The following TBXT variants were observed in gnomAD, a reference collection of about 807,000 sequenced individuals.
TBXT encodes the protein T-box transcription factor T.
A neutral mutation model predicts 41.1 loss-of-function variants in TBXT; 19 were observed. The observed-to-expected ratio is 0.46, with a 90% CI of 0.32 to 0.68. TBXT has a LOEUF of 0.68. Among genes scored for constraint, TBXT ranks in the 30% least tolerant of loss-of-function variants. The pLI is 0.03. For synonymous variants in TBXT, 213 were observed against 238.9 expected (o/e 0.89, Z 1.00); for missense variants, 536 against 582.0 (o/e 0.92, Z 0.81).
At chr6:166,164,036 G>A (rs1779037138) in intron 5 of TBXT, among the ~76,000 whole-genome samples, 1 of 152,182 alleles carries the variant, frequency 6.6e-6, no homozygotes. Flanking sequence ...GGGTGGAGAG[G>A]ACGGACCAGG....
rs1287254006 is a variant in TBXT at position 166,160,836 on chromosome 6, C to A, written c.1037+1G>T. The A allele has an allele frequency of 6.2e-7, 1 of 1,613,988 alleles. No homozygotes were observed. Among genetic ancestry groups the A allele is most frequent in the African/African-American group, 1.3e-5 (1 of 74,924 alleles). ...TGCACCAGGTCCTGGACATACATTA[C>A]CTGGAGCTGGTAGGTGGGCTGGCAT... On this transcript the variant is annotated splice_donor_variant, in intron 7 of 7. Coordinates refer to ENST00000366876, the MANE Select transcript of TBXT (RefSeq NM_001366285.2). LOFTEE classifies it high-confidence loss of function.
intron 5 of TBXT, among the ~76,000 whole-genome samples, chr6:166,163,836 T>C (rs1366430217): frequency 6.6e-6 from 1 of 152,238 alleles, no homozygotes; most frequent in Non-Finnish European, 1.5e-5. Flanking sequence ...CAGCCGGCCC[T>C]GGCCAGAGCA....
intron 6 of TBXT, among the ~76,000 whole-genome samples, chr6:166,161,840 G>C (rs969678797): frequency 6.6e-6 from 1 of 152,218 alleles, no homozygotes; most frequent in African/African-American, 2.4e-5. Flanking sequence ...GGAGAATGGC[G>C]TGAACCCGAG....
intron 7 of TBXT, 50 bp from the exon 8 acceptor site, chr6:166,158,638 C>T: frequency 2.1e-6 from 3 of 1,448,536 alleles, no homozygotes; most frequent in Non-Finnish European, 2.7e-6. Flanking sequence ...GGCTGCAGGC[C>T]AGCTAAGGAT....
intron 7 of TBXT, among the ~76,000 whole-genome samples, chr6:166,158,970 C>A (rs1778872999): frequency 6.6e-6 from 1 of 152,192 alleles, no homozygotes; most frequent in Non-Finnish European, 1.5e-5. Context: ...GTCAGGAGTT[C>A]AAGGCCAGCC....
Position 166,166,815 on chromosome 6 carries a change from T to A in TBXT, c.248A>T (p.Asp83Val). The change falls in exon 2 of 8, where the codon GAC becomes GTC. Residue 83 changes from aspartate (D) to valine (V), a missense_variant. Asp to Val is a radical substitution (Grantham distance 152). Transcript: ENST00000366876. ...PVLKVNVSGLDPNAMYSFLLD... is the reference protein window; with the variant it reads ...PVLKVNVSGLVPNAMYSFLLD... Reference sequence around the variant, plus strand: ...CAGGAAGGAGTACATGGCGTTGGGGTCCAGGCCAGACACGTTCACCTTCAG... The same window carrying A: ...CAGGAAGGAGTACATGGCGTTGGGGACCAGGCCAGACACGTTCACCTTCAG... 3 of 1,613,720 alleles carry A rather than the reference T, an allele frequency of 1.9e-6. No homozygotes were observed. The highest frequency in any genetic ancestry group is 2.5e-6 in the Non-Finnish European group (3 of 1,180,026).
chr6:166,161,087 AT>A (rs1207604894), intron 6 of TBXT, 121 bp from the exon 7 acceptor site: 7 of 1,311,688 alleles, frequency 5.3e-6, no homozygotes, highest in Middle Eastern at 4.1e-4. Context: ...TACATGGGAT[AT>A]TAACTGTAGA....
chr6:166,167,304 G>T, intron 1 of TBXT, 82 bp downstream of exon 1: 1 of 1,523,118 alleles, frequency 6.6e-7, no homozygotes, highest in South Asian at 1.1e-5. Context: ...AAAAGGGTTC[G>T]ACCTCCGGGA....
chr6:166,164,990 T>G, intron 3 of TBXT, 129 bp from the exon 4 acceptor site: 1 of 778,764 alleles, frequency 1.3e-6, no homozygotes, highest in South Asian at 1.7e-5. Flanking sequence ...TCTTTCCACA[T>G]ACAGTTTTCT....
intron 2 of TBXT, among the ~76,000 whole-genome samples, chr6:166,166,380 G>A (rs1442411857): frequency 6.6e-6 from 1 of 152,204 alleles, no homozygotes; most frequent in Non-Finnish European, 1.5e-5. Context: ...TCCTTCAAAG[G>A]GGAGTGCTCC....
In TBXT at chr6:166,158,199, G is replaced by T; in HGVS notation, c.*116C>A. 1.3e-6 allele frequency: 2 copies of T among 1,514,244 alleles called. No individual in the cohort carries two copies. Among genetic ancestry groups the T allele is most frequent in the Non-Finnish European group, 1.8e-6 (2 of 1,093,972 alleles). The allele number at this position is 1,514,244 out of a possible 1,614,324, so 93.8% of individuals were successfully genotyped here. A position where few individuals can be genotyped will look rare whatever the true frequency, so the allele number is the denominator to read the frequency against. On this transcript the variant is annotated 3_prime_UTR_variant, in exon 8 of 8. Transcript: ENST00000366876. ...CTGCTTTGAAAAGGAAGTTACTGAG[G>T]CTGCATTTCCTTCTTAACCTGAGAC...
intron 6 of TBXT, 142 bp from the exon 7 acceptor site, chr6:166,161,108 A>G: frequency 2.6e-6 from 3 of 1,145,464 alleles, no homozygotes; most frequent in Admixed American, 2.0e-5. Flanking sequence ...AAAACAATCC[A>G]TTAGTCTATT....
chr6:166,160,740 G>A, intron 7 of TBXT, 97 bp downstream of exon 7: 2 of 1,554,970 alleles, frequency 1.3e-6, no homozygotes, highest in Non-Finnish European at 1.8e-6. Flanking sequence ...CAGGGACCAA[G>A]GAGAATAAGG....
At chr6:166,165,209 CCAA>C (rs1779073644) in intron 3 of TBXT, among the ~76,000 whole-genome samples, 1 of 152,116 alleles carries the variant, frequency 6.6e-6, no homozygotes, top group African/African-American at 2.4e-5. Flanking sequence ...AACGTCAACA[CCAA>C]CAAGGTATCC....
intron 1 of TBXT, 22 bp from the exon 2 acceptor site, chr6:166,166,878 C>T: frequency 6.2e-7 from 1 of 1,613,140 alleles, no homozygotes. Flanking sequence ...GGGGCGGGCG[C>T]AGGAGGACCC....
At chr6:166,161,748 C>T (rs1778962212) in intron 6 of TBXT, among the ~76,000 whole-genome samples, 2 of 152,202 alleles carry the variant, frequency 1.3e-5, no homozygotes, top group Admixed American at 6.5e-5. Context: ...CGGTGAAACC[C>T]CGTCTCTACT....
At chr6:166,163,695 C>G (rs1432372309) in intron 5 of TBXT, among the ~76,000 whole-genome samples, 1 of 152,238 alleles carries the variant, frequency 6.6e-6, no homozygotes, top group Non-Finnish European at 1.5e-5. Flanking sequence ...CTTCTACACT[C>G]TTCAAGCTTT....
chr6:166,162,572 G>A lies in TBXT; in HGVS notation c.782C>T (p.Pro261Leu), dbSNP rs756506255. 1 of 1,614,172 alleles carries A rather than the reference G, an allele frequency of 6.2e-7. No individual in the cohort carries two copies. The highest frequency in any genetic ancestry group is 2.2e-5 in the East Asian group (1 of 44,866). ...GTSTLCPPANPHPQFGGALSL... is the reference protein window; with the variant it reads ...GTSTLCPPANLHPQFGGALSL... ...GAGGGCACCTCCAAACTGAGGATGA[G>A]GATTTGCAGGTGGACACAGGGTGCT... Residue 261 changes from proline to leucine, a missense_variant, in exon 6 of 8, where the codon CCT (proline) becomes CTT (leucine). By Grantham distance (98) the Pro-to-Leu change is moderately conservative. Transcript: ENST00000366876.
intron 5 of TBXT, 89 bp downstream of exon 5, chr6:166,164,516 C>T: frequency 6.7e-7 from 1 of 1,497,270 alleles, no homozygotes; most frequent in Non-Finnish European, 9.3e-7. Context: ...CCCAGAAACA[C>T]CCTTGTCTTC....
Sources: allele counts gnomAD v4.1 joint callset (sites outside exome capture counted in the v4.1 genomes callset), GRCh38; gene constraint gnomAD v4.1.1; transcripts MANE v1.5; gene names NCBI Gene and HGNC (gene_info 2026-07-23, HGNC 2026-07-21).